RYR3: variants seen among roughly 807,000 people sequenced by gnomAD.
RYR3 encodes the protein brain ryanodine receptor-calcium release channel.
In RYR3, 207 loss-of-function variants were observed where a neutral mutation model predicts 584.3. That is an observed-to-expected ratio of 0.35 (90% CI 0.32 to 0.40). The LOEUF (loss-of-function observed/expected upper bound fraction) is 0.40. RYR3 is among the 10% of genes least tolerant of loss of function. The pLI, the probability that RYR3 is intolerant of heterozygous loss-of-function variation, is 1.00. For missense variants in RYR3, 5,616 were observed against 6,089.2 expected (o/e 0.92, Z 2.59); for synonymous variants, 2,416 against 2,248.5 (o/e 1.07, Z -2.11).
chr15:33,609,682 T>C (rs948756274), intron 18 of RYR3, among the ~76,000 whole-genome samples: 1 of 152,170 alleles, frequency 6.6e-6, no homozygotes, highest in South Asian at 2.1e-4. Flanking sequence ...TACAGTGATA[T>C]TTTCCAGAAG....
chr15:33,454,660 C>T (rs927824211), intron 1 of RYR3, among the ~76,000 whole-genome samples: 1 of 152,132 alleles, frequency 6.6e-6, no homozygotes, highest in Non-Finnish European at 1.5e-5. Flanking sequence ...CAATGATGGA[C>T]CCTCCCAGAT....
chr15:33,699,251 TCTCC>T (rs749815547), intron 40 of RYR3, among the ~76,000 whole-genome samples: 1 of 93,508 alleles, frequency 1.1e-5, no homozygotes, highest in Non-Finnish European at 2.3e-5. Context: ...TCTCTCTCTC[TCTCC>T]CCCCCTTTCT....
Position 33,311,138 on chromosome 15 carries a change from AGGAGCGC to A in RYR3, c.51+52_51+58del. On this transcript the variant is annotated intron_variant, in intron 1 of 103. Coordinates refer to ENST00000634891, the MANE Select transcript of RYR3 (RefSeq NM_001036.6). This position sits in a 1 kb window ranked among gnomAD's most constrained non-coding sequence, Gnocchi z 4.4. The stretch of plus-strand genomic sequence containing the variant: ...GGGGCGAGGCCGTGGGCAGGTGGGG[AGGAGCGC>A]GGAGCGCGGCGAGGAGGGGCTGGCT... 1.4e-6 allele frequency: 2 copies of A among 1,480,700 alleles called. No homozygotes were observed. Among genetic ancestry groups the A allele is most frequent in the Admixed American group, 2.0e-5 (1 of 49,256 alleles). 91.7% of individuals were successfully genotyped at this position (1,480,700 alleles called of 1,614,324 possible).
At chr15:33,690,322 A>C (rs2065330295) in intron 38 of RYR3, among the ~76,000 whole-genome samples, 1 of 152,230 alleles carries the variant, frequency 6.6e-6, no homozygotes, top group African/African-American at 2.4e-5. Flanking sequence ...AAAAAGCATT[A>C]GGAGCCCTTC....
chr15:33,842,388 A>G (rs1414409756), intron 91 of RYR3, among the ~76,000 whole-genome samples: 1 of 152,230 alleles, frequency 6.6e-6, no homozygotes, highest in African/African-American at 2.4e-5. Flanking sequence ...TGTTTTGATC[A>G]CGTGGGAATC....
intron 46 of RYR3, among the ~76,000 whole-genome samples, chr15:33,727,960 T>G (rs1477591461): frequency 6.6e-6 from 1 of 152,240 alleles, no homozygotes; most frequent in East Asian, 1.9e-4. Context: ...ACCTCTTGAT[T>G]AAGATTAGAA....
chr15:33,371,258 C>A (rs1224485982), intron 1 of RYR3, among the ~76,000 whole-genome samples: 4 of 152,150 alleles, frequency 2.6e-5, no homozygotes, highest in Admixed American at 1.3e-4. Context: ...AGCCTCAAGT[C>A]TGGAGCTCCT....
At chr15:33,636,602 A>G (rs2061512143) in intron 27 of RYR3, 52 bp downstream of exon 27, 2 of 1,496,906 alleles carry the variant, frequency 1.3e-6, no homozygotes, top group African/African-American at 2.8e-5. Flanking sequence ...GGAGGAAAAT[A>G]TAGGGAGAGC....
intron 36 of RYR3, among the ~76,000 whole-genome samples, chr15:33,664,730 C>G (rs1352866590): frequency 6.6e-6 from 1 of 151,460 alleles, no homozygotes; most frequent in Non-Finnish European, 1.5e-5. Context: ...AGCATGACGC[C>G]TGTCATAGAG....
intron 16 of RYR3, among the ~76,000 whole-genome samples, chr15:33,589,534 T>C (rs2152530359): frequency 6.6e-6 from 1 of 152,346 alleles, no homozygotes; most frequent in Admixed American, 6.5e-5. Flanking sequence ...ATTCTTTGCC[T>C]AGACCAGTGT....
chr15:33,815,320 T>C (rs1403818260), intron 74 of RYR3: 1 of 152,292 alleles, frequency 6.6e-6, no homozygotes, highest in Non-Finnish European at 1.5e-5. Context: ...TCTGGAAGTG[T>C]CGAAACATCA....
Position 33,826,242 on chromosome 15 carries a change from T to C in RYR3, c.11147-10T>C. 6.2e-7 allele frequency: 1 copy of C among 1,613,596 alleles called. No homozygotes were observed. The highest frequency in any genetic ancestry group is 8.5e-7 in the Non-Finnish European group (1 of 1,179,518). The stretch of plus-strand genomic sequence containing the variant: ...TACTTTCTATTCTTCTGTTTTTCTC[T>C]CATTACCAGTCATTGTTCGGGAACG... On this transcript the variant is annotated splice_polypyrimidine_tract_variant and intron_variant, in intron 82 of 103. Coordinates refer to ENST00000634891, the MANE Select transcript of RYR3 (RefSeq NM_001036.6).
intron 1 of RYR3, among the ~76,000 whole-genome samples, chr15:33,344,059 G>A (rs182648250): frequency 6.6e-6 from 1 of 152,170 alleles, no homozygotes; most frequent in Non-Finnish European, 1.5e-5. Context: ...ATTCAAAAAC[G>A]TACATTCACT....
intron 11 of RYR3, among the ~76,000 whole-genome samples, chr15:33,565,176 C>T (rs1037545333): frequency 1.1e-4 from 16 of 152,148 alleles, no homozygotes; most frequent in African/African-American, 3.9e-4. Flanking sequence ...GCATTTCCCC[C>T]AGCCAGTTTT....
At chr15:33,648,041 G>A (rs1486564928) in intron 30 of RYR3, among the ~76,000 whole-genome samples, 4 of 142,966 alleles carry the variant, frequency 2.8e-5, no homozygotes, top group African/African-American at 5.1e-5. Context: ...CAACCCTTCT[G>A]TAAAGTTATC....
In RYR3 at chr15:33,853,652, C is replaced by T. The variant is rs371603240; in HGVS notation, c.13769C>T (p.Thr4590Ile). 1.4e-5 allele frequency: 23 copies of T among 1,613,762 alleles called. No homozygotes were observed. The Admixed American group carries it at 1.7e-4, about 12-fold the overall frequency. The change falls in exon 96 of 104, where the codon ACC becomes ATC. Residue 4590 changes from threonine (T) to isoleucine (I), a missense_variant. Coordinates refer to ENST00000634891, the MANE Select transcript of RYR3 (RefSeq NM_001036.6). The stretch of plus-strand genomic sequence containing the variant: ...CTTGACTTTAGCCCAGTAGAAGAGA[C>T]CAAAGCAGAAGCGGCTTCTCTGGTG... Reference protein sequence around the residue: ...NALDFSPVEETKAEAASLVSW... With the variant: ...NALDFSPVEEIKAEAASLVSW...
chr15:33,503,056 A>G (rs558882826), intron 2 of RYR3, among the ~76,000 whole-genome samples: 1 of 152,342 alleles, frequency 6.6e-6, no homozygotes, highest in South Asian at 2.1e-4. Context: ...ACTGATTCTA[A>G]TAAATTGGAA....
intron 2 of RYR3, among the ~76,000 whole-genome samples, chr15:33,483,291 C>T (rs1271880733): frequency 1.3e-5 from 2 of 152,100 alleles, no homozygotes. Context: ...TCTTGAATGT[C>T]TGTAGGTCTG....
At chr15:33,543,038 A>G (rs1024475105) in intron 7 of RYR3, among the ~76,000 whole-genome samples, 2 of 152,132 alleles carry the variant, frequency 1.3e-5, no homozygotes, top group African/African-American at 4.8e-5. Flanking sequence ...GAAAGCGTCT[A>G]CACTTGTTCA....
Sources: gnomAD v4.1 joint callset for allele counts (sites outside exome capture counted in the v4.1 genomes callset) on GRCh38, gnomAD v4.1.1 for gene constraint, Gnocchi (gnomAD v3.1) non-coding constraint, MANE v1.5 for transcripts, NCBI Gene and HGNC (gene_info 2026-07-23, HGNC 2026-07-21) for gene names.